The following ARHGAP22 variants were observed in gnomAD, a reference collection of about 807,000 sequenced individuals.
ARHGAP22 encodes Rho GTPase activating protein 22, also known as rho GTPase-activating protein 22.
ARHGAP22 carries 48 observed loss-of-function variants against 59.1 expected under a neutral mutation model. That is an observed-to-expected ratio of 0.81 (90% CI 0.64 to 1.03). The LOEUF (loss-of-function observed/expected upper bound fraction) is 1.03, where lower values mean the gene tolerates loss of function less well. ARHGAP22 is among the 50% of genes least tolerant of loss of function. The probability of loss-of-function intolerance (pLI) is 0.00; values close to 1 mark genes in which losing one functional copy is unlikely to be tolerated. For synonymous variants in ARHGAP22, 445 were observed against 416.4 expected (o/e 1.07, Z -0.84); for missense variants, 1,015 against 958.7 (o/e 1.06, Z -0.78).
chr10:48,582,136 T>A (rs181869662), intron 2 of ARHGAP22, among the ~76,000 whole-genome samples: 1 of 152,214 alleles, frequency 6.6e-6, no homozygotes, highest in East Asian at 1.9e-4. Flanking sequence ...ATGGCTGGGA[T>A]GTGAACCAGG....
chr10:48,650,168 T>TTC (rs1554966428), intron 1 of ARHGAP22, among the ~76,000 whole-genome samples: 4 of 147,174 alleles, frequency 2.7e-5, no homozygotes, highest in Admixed American at 6.7e-5. Context: ...TTTTTTTTTT[T>TTC]CTGCAGCCTT....
chr10:48,490,422 C>A (rs1214466951), intron 3 of ARHGAP22, among the ~76,000 whole-genome samples: 1 of 152,166 alleles, frequency 6.6e-6, no homozygotes, highest in Non-Finnish European at 1.5e-5. Flanking sequence ...TGACAGCCAA[C>A]AGTGTCTCCA....
chr10:48,539,144 A>C (rs1590038739), intron 3 of ARHGAP22, among the ~76,000 whole-genome samples: 1 of 152,212 alleles, frequency 6.6e-6, no homozygotes, highest in African/African-American at 2.4e-5. Context: ...GGGCACAAAA[A>C]TATGCTCATG....
upstream of ARHGAP22, among the ~76,000 whole-genome samples, chr10:48,606,305 G>A (rs2060670552): frequency 6.6e-6 from 1 of 152,098 alleles, no homozygotes. Context: ...CCTCCCTAGG[G>A]AACAGTGTGC....
chr10:48,472,264 C>A (rs974892893), intron 4 of ARHGAP22, among the ~76,000 whole-genome samples: 9 of 151,416 alleles, frequency 5.9e-5, no homozygotes, highest in Non-Finnish European at 1.3e-4. Flanking sequence ...TGGCTCATGC[C>A]TGTAATCCCA....
rs553870976 is a variant in ARHGAP22 at position 48,585,260 on chromosome 10, C to A, written c.35-2108G>T. ...ACAGCTGTAGCACATTTGCTTGATACACTGCTTCCTTTCAACCTCCACATC... is the reference window on the plus strand; with the variant it reads ...ACAGCTGTAGCACATTTGCTTGATAAACTGCTTCCTTTCAACCTCCACATC... On this transcript the variant is annotated intron_variant, in intron 1 of 9. Transcript: ENST00000249601. Among the ~76,000 whole-genome samples the A allele has an allele frequency of 5.3e-5, 8 of 152,272 alleles. No homozygotes were observed. The East Asian group carries it at 1.5e-3, about 29-fold the overall frequency.
intron 1 of ARHGAP22, among the ~76,000 whole-genome samples, chr10:48,620,645 T>C (rs1368693575): frequency 6.6e-6 from 1 of 152,150 alleles, no homozygotes; most frequent in Non-Finnish European, 1.5e-5. Flanking sequence ...GGAGCCATGC[T>C]GGGGTATAAG....
intron 2 of ARHGAP22, among the ~76,000 whole-genome samples, chr10:48,578,687 G>GTT (rs5784765): frequency 1.0e-3 from 154 of 149,168 alleles, no homozygotes; most frequent in Admixed American, 1.5e-3. Context: ...TTTTGAAAAA[G>GTT]TTTTTTTTTT....
intron 1 of ARHGAP22, among the ~76,000 whole-genome samples, chr10:48,626,881 T>G (rs2061468527): frequency 6.6e-6 from 1 of 152,080 alleles, no homozygotes; most frequent in Admixed American, 6.5e-5. Flanking sequence ...TGGCTGGGCA[T>G]GGGGGTGAAC....
chr10:48,498,485 C>G (rs1182145239), intron 3 of ARHGAP22, among the ~76,000 whole-genome samples: 1 of 152,206 alleles, frequency 6.6e-6, no homozygotes, highest in Non-Finnish European at 1.5e-5. Flanking sequence ...CCAACACCCC[C>G]ACCAGTCCCA....
At chr10:48,524,008 G>A in intron 3 of ARHGAP22, 1 of 1,441,936 alleles carries the variant, frequency 6.9e-7, no homozygotes, top group Non-Finnish European at 9.1e-7. Flanking sequence ...GGCAGCCTCT[G>A]GCGGCGGCCG....
chr10:48,598,651 G>A (rs1210875350), intron 1 of ARHGAP22, among the ~76,000 whole-genome samples: 1 of 152,212 alleles, frequency 6.6e-6, no homozygotes. Flanking sequence ...CCCCACTGCA[G>A]CCTGCATCAT....
At chr10:48,493,181 C>T (rs1363715145) in intron 3 of ARHGAP22, among the ~76,000 whole-genome samples, 1 of 152,140 alleles carries the variant, frequency 6.6e-6, no homozygotes. Context: ...ATCCTGAGAC[C>T]TGCCTGTGTG....
intron 8 of ARHGAP22, among the ~76,000 whole-genome samples, chr10:48,452,280 G>T (rs897955487): frequency 2.0e-5 from 3 of 152,178 alleles, no homozygotes; most frequent in Non-Finnish European, 2.9e-5. Flanking sequence ...CCGGTAGGAG[G>T]GAGGGCTGAG....
At chr10:48,537,783 G>C (rs903072896) in intron 3 of ARHGAP22, among the ~76,000 whole-genome samples, 3 of 152,208 alleles carry the variant, frequency 2.0e-5, no homozygotes, top group South Asian at 2.1e-4. Context: ...GCAGTGCCTC[G>C]GGCCAAGTAA....
At position 48,493,372 on chromosome 10, in the gene ARHGAP22, T is replaced by A. The variant is rs2050599920; in HGVS notation, c.323-13608A>T. On this transcript the variant is annotated intron_variant, in intron 3 of 9. Coordinates refer to ENST00000249601, the MANE Select transcript of ARHGAP22 (RefSeq NM_021226.4). The stretch of plus-strand genomic sequence containing the variant: ...CAAACACCACTTCCCTTTCAAGGGT[T>A]AATCGCCCTCCCCAGTCTCCCAGCC... 4 of 1,453,034 alleles carry A rather than the reference T, an allele frequency of 2.8e-6. No individual in the cohort carries two copies. The East Asian group carries it at 9.9e-5, about 36-fold the overall frequency. The allele number at this position is 1,453,034 out of a possible 1,614,324, so 90.0% of individuals were successfully genotyped here. A position where few individuals can be genotyped will look rare whatever the true frequency, so the allele number is the denominator to read the frequency against.
chr10:48,517,755 C>T (rs1348647609), intron 3 of ARHGAP22, among the ~76,000 whole-genome samples: 2 of 152,204 alleles, frequency 1.3e-5, no homozygotes, highest in Non-Finnish European at 2.9e-5. Context: ...GCCGGGACTT[C>T]TCGTGTCCTG....
chr10:48,606,691 G>A (rs1274823718), upstream of ARHGAP22, among the ~76,000 whole-genome samples: 2 of 152,200 alleles, frequency 1.3e-5, no homozygotes, highest in Non-Finnish European at 2.9e-5. Context: ...TTTTGCACAT[G>A]TAGCTGTGTC....
intron 1 of ARHGAP22, among the ~76,000 whole-genome samples, chr10:48,650,243 T>G (rs1190958864): frequency 2.0e-5 from 3 of 151,880 alleles, no homozygotes; most frequent in Non-Finnish European, 2.9e-5. Context: ...GGTAATCATT[T>G]ACAAATTAAT....
Sources: gnomAD v4.1 joint callset for allele counts (sites outside exome capture counted in the v4.1 genomes callset) on GRCh38, gnomAD v4.1.1 for gene constraint, MANE v1.5 for transcripts, NCBI Gene and HGNC (gene_info 2026-07-23, HGNC 2026-07-21) for gene names.